TJP1: variants seen among roughly 807,000 people sequenced by gnomAD.
TJP1 encodes the protein tight junction protein ZO-1.
TJP1 carries 43 observed loss-of-function variants against 194.2 expected under a neutral mutation model. That is an observed-to-expected ratio of 0.22 (90% CI 0.17 to 0.29). The LOEUF is 0.29. TJP1 is among the 10% of genes least tolerant of loss of function. TJP1 has a pLI of 1.00. For synonymous variants in TJP1, 801 were observed against 779.0 expected (o/e 1.03, Z -0.47); for missense variants, 1,971 against 2,185.7 (o/e 0.90, Z 1.96).
chr15:29,733,247 T>C lies in TJP1; in HGVS notation c.1583A>G (p.Glu528Gly). 1 of 1,614,086 alleles carries C rather than the reference T, an allele frequency of 6.2e-7. No homozygotes were observed. Among genetic ancestry groups the C allele is most frequent in the Non-Finnish European group, 8.5e-7 (1 of 1,179,966 alleles). The change falls in exon 13 of 28, where the codon GAA becomes GGA. Residue 528 changes from glutamate (E) to glycine (G), a missense_variant. Glu to Gly is a moderately conservative substitution (Grantham distance 98). Around this residue, in one of 5 missense-constraint regions of TJP1, gnomAD observed 402 missense variants for 484.2 expected, o/e 0.83. Transcript: ENST00000614355. ...ACTAAGTCCATAGGGAGATTCCTTT[T>C]CATATTCAAAATGGGTTCTAATATA... ...SFYIRTHFEYEKESPYGLSFN... is the reference protein window; with the variant it reads ...SFYIRTHFEYGKESPYGLSFN...
At chr15:29,705,991 G>A (rs911043922) in intron 25 of TJP1, among the ~76,000 whole-genome samples, 4 of 152,164 alleles carry the variant, frequency 2.6e-5, no homozygotes, top group Admixed American at 6.5e-5. Context: ...GAGTGCAGTG[G>A]CACAATCTTG....
chr15:29,849,065 GA>G (rs1555437353), intron 2 of TJP1, among the ~76,000 whole-genome samples: 2 of 151,630 alleles, frequency 1.3e-5, no homozygotes, highest in African/African-American at 2.4e-5. Context: ...ATAAACAAGA[GA>G]AAAAAAGAGT....
At chr15:29,965,345 A>T (rs1191848096) in intron 1 of TJP1, among the ~76,000 whole-genome samples, 2 of 151,990 alleles carry the variant, frequency 1.3e-5, no homozygotes, top group African/African-American at 4.8e-5. Context: ...GAGTAGCTGG[A>T]ATTACAGGCA....
intron 10 of TJP1, among the ~76,000 whole-genome samples, chr15:29,739,362 T>A (rs1288466700): frequency 6.6e-6 from 1 of 152,196 alleles, no homozygotes; most frequent in Non-Finnish European, 1.5e-5. Flanking sequence ...AACCAAACCT[T>A]TCCTGGCACA....
intron 1 of TJP1, among the ~76,000 whole-genome samples, chr15:29,808,408 T>C (rs930250273): frequency 6.6e-6 from 1 of 152,230 alleles, no homozygotes; most frequent in Non-Finnish European, 1.5e-5. Flanking sequence ...TTCCTTGATC[T>C]GAGTTGTGGG....
chr15:29,871,148 T>C (rs2152117761), intron 2 of TJP1, among the ~76,000 whole-genome samples: 1 of 152,330 alleles, frequency 6.6e-6, no homozygotes, highest in East Asian at 1.9e-4. Flanking sequence ...TTAGAGACGG[T>C]AACAGAAGCC....
At chr15:29,881,331 A>G (rs1301401383) in intron 2 of TJP1, among the ~76,000 whole-genome samples, 1 of 152,166 alleles carries the variant, frequency 6.6e-6, no homozygotes, top group Non-Finnish European at 1.5e-5. Context: ...AATTCGTTAT[A>G]TATTTTGGAA....
chr15:29,842,428 A>T (rs1158033503), intron 2 of TJP1, among the ~76,000 whole-genome samples: 1 of 86,312 alleles, frequency 1.2e-5, no homozygotes, highest in East Asian at 3.6e-4. Context: ...GAGGGAACCA[A>T]CCCTGGACAG....
intron 2 of TJP1, among the ~76,000 whole-genome samples, chr15:29,829,077 C>T (rs889409037): frequency 8.6e-5 from 13 of 152,038 alleles, no homozygotes; most frequent in Non-Finnish European, 8.8e-5. Flanking sequence ...GGCTCTTGGC[C>T]GGCTCTATGT....
intron 2 of TJP1, among the ~76,000 whole-genome samples, chr15:29,800,206 G>A (rs887811471): frequency 6.6e-6 from 1 of 152,152 alleles, no homozygotes; most frequent in African/African-American, 2.4e-5. Flanking sequence ...TCTCGCATCT[G>A]CAATTGTTTA....
chr15:29,719,345 A>G (rs937260909), intron 20 of TJP1, among the ~76,000 whole-genome samples: 1 of 152,222 alleles, frequency 6.6e-6, no homozygotes, highest in African/African-American at 2.4e-5. Flanking sequence ...TTTATGTTTC[A>G]GCATGTACTA....
intron 5 of TJP1, among the ~76,000 whole-genome samples, chr15:29,765,046 T>C (rs889777009): frequency 3.9e-5 from 6 of 152,050 alleles, no homozygotes; most frequent in Non-Finnish European, 8.8e-5. Context: ...TTGCAAAAGA[T>C]ACAGAAAGGT....
intron 1 of TJP1, among the ~76,000 whole-genome samples, chr15:29,805,597 AG>A (rs1335193893): frequency 6.6e-6 from 1 of 152,204 alleles, no homozygotes; most frequent in African/African-American, 2.4e-5. Context: ...GGCCAAAAAA[AG>A]GTCCCTCTCC....
intron 1 of TJP1, among the ~76,000 whole-genome samples, chr15:29,804,678 T>C (rs2151910331): frequency 6.6e-6 from 1 of 152,202 alleles, no homozygotes; most frequent in South Asian, 2.1e-4. Flanking sequence ...AATATCCTTA[T>C]TGTAAACTTG....
At chr15:29,963,201 G>A (rs2056220238) in intron 1 of TJP1, among the ~76,000 whole-genome samples, 1 of 152,158 alleles carries the variant, frequency 6.6e-6, no homozygotes, top group Non-Finnish European at 1.5e-5. Flanking sequence ...CCCAACAGGA[G>A]GACCTCAGTG....
intron 18 of TJP1, among the ~76,000 whole-genome samples, chr15:29,721,351 C>T (rs1487625636): frequency 6.6e-6 from 1 of 152,096 alleles, no homozygotes. Flanking sequence ...CTCCCAAGAT[C>T]TGTTTTTTTA....
At position 29,821,781 on chromosome 15, in the gene TJP1, C is replaced by T. The variant is rs1471918193; in HGVS notation, c.27+221G>A. 2.0e-5 allele frequency among the ~76,000 whole-genome samples: 3 copies of T among 149,576 alleles called. No individual in the cohort carries two copies. In the East Asian group the frequency reaches 5.9e-4, roughly 29 times the overall value. On this transcript the variant is annotated intron_variant, in intron 1 of 27. Coordinates refer to ENST00000614355, the MANE Select transcript of TJP1 (RefSeq NM_001330239.4). ...AGTACGGCGGCCGGGCGCCCGCAGC[C>T]CCCTCCCCGGCCGCCCCCAGTGCGG...
intron 2 of TJP1, among the ~76,000 whole-genome samples, chr15:29,842,991 T>A (rs560069702): frequency 3.5e-4 from 54 of 152,256 alleles, no homozygotes; most frequent in African/African-American, 1.2e-3. Context: ...CTGATTTTTT[T>A]AAAAAGTCAT....
At chr15:29,812,998 G>GA (rs201206538) in intron 1 of TJP1, among the ~76,000 whole-genome samples, 44 of 148,706 alleles carry the variant, frequency 3.0e-4, no homozygotes, top group Middle Eastern at 3.5e-3. Context: ...GCCACTGTTA[G>GA]AAAAAAAAAA....
Sources: allele counts gnomAD v4.1 joint callset (sites outside exome capture counted in the v4.1 genomes callset), GRCh38; gene constraint gnomAD v4.1.1; regional missense constraint gnomAD v4.1.1; transcripts MANE v1.5; gene names NCBI Gene and HGNC (gene_info 2026-07-23, HGNC 2026-07-21).